The following STK3 variants were observed in gnomAD, a reference collection of about 807,000 sequenced individuals.
STK3 encodes serine/threonine kinase 3.
In STK3, 41 loss-of-function variants were observed where a neutral mutation model predicts 58.0. The ratio of observed to expected loss-of-function variants is 0.71; its 90% CI spans 0.55 to 0.92. The LOEUF (loss-of-function observed/expected upper bound fraction) is 0.92, where lower values mean the gene tolerates loss of function less well. Ranked by LOEUF, STK3 falls within the 40% of genes least tolerant of loss-of-function variation. STK3 has a pLI of 0.00. For missense variants in STK3, 479 were observed against 602.7 expected (o/e 0.79, Z 2.15); for synonymous variants, 170 against 191.0 (o/e 0.89, Z 0.91).
At chr8:98,908,419 G>T (rs931633473) in intron 1 of STK3, among the ~76,000 whole-genome samples, 1 of 152,194 alleles carries the variant, frequency 6.6e-6, no homozygotes, top group Non-Finnish European at 1.5e-5. Flanking sequence ...TGGGCATGAT[G>T]GCTCATGCCT....
chr8:98,916,800 G>T (rs1839362989), intron 1 of STK3, among the ~76,000 whole-genome samples: 1 of 152,062 alleles, frequency 6.6e-6, no homozygotes, highest in Non-Finnish European at 1.5e-5. Flanking sequence ...TTTTAGTTTG[G>T]GAATAGTTCT....
chr8:98,370,636 G>A (rs1817601426), downstream of STK3, among the ~76,000 whole-genome samples: 1 of 152,162 alleles, frequency 6.6e-6, no homozygotes, highest in African/African-American at 2.4e-5. Flanking sequence ...ATGTGTGCCA[G>A]CCTTCTGAGC....
At chr8:98,871,082 A>G (rs1330555302) in intron 3 of STK3, among the ~76,000 whole-genome samples, 1 of 152,168 alleles carries the variant, frequency 6.6e-6, no homozygotes, top group East Asian at 1.9e-4. Context: ...TTTTCCCAGC[A>G]CCATTTATTA....
downstream of STK3, among the ~76,000 whole-genome samples, chr8:98,371,095 C>A (rs960307242): frequency 1.7e-4 from 26 of 152,248 alleles, no homozygotes; most frequent in African/African-American, 6.0e-4. Flanking sequence ...AGAAAAGAAA[C>A]AAAACTTACT....
At chr8:98,920,175 G>A (rs1049651617) in intron 1 of STK3, among the ~76,000 whole-genome samples, 9 of 152,128 alleles carry the variant, frequency 5.9e-5, no homozygotes, top group African/African-American at 2.2e-4. Flanking sequence ...AGAGGAGAGG[G>A]ACCCACAAAC....
chr8:98,625,604 C>T (rs1818652883), intron 6 of STK3, among the ~76,000 whole-genome samples: 1 of 152,156 alleles, frequency 6.6e-6, no homozygotes, highest in Non-Finnish European at 1.5e-5. Context: ...TATGCCTTTT[C>T]ATAATGATGC....
At chr8:98,508,991 T>TA (rs1289171132) in intron 10 of STK3, among the ~76,000 whole-genome samples, 1 of 151,962 alleles carries the variant, frequency 6.6e-6, no homozygotes, top group Non-Finnish European at 1.5e-5. Flanking sequence ...TCTAAAAAAA[T>TA]AAAAAGGTTT....
intron 1 of STK3, chr8:98,904,670 C>T (rs2060567730): frequency 1.5e-6 from 1 of 658,012 alleles, no homozygotes; most frequent in Admixed American, 1.9e-5. Context: ...TAGAGAATTC[C>T]GTGTAGCTGC....
chr8:98,913,361 A>AAACTTCT (rs1839224099), intron 1 of STK3, among the ~76,000 whole-genome samples: 1 of 152,270 alleles, frequency 6.6e-6, no homozygotes. Context: ...AGAGAAATAA[A>AAACTTCT]AACTTCTATA....
Position 98,860,870 on chromosome 8 carries a change from C to T in STK3, c.110+22777G>A, listed in dbSNP as rs532767651. ...AGGAGTTCGAGAACAGCTTGAGCAA[C>T]ATGGTGAAACCCCATCCCTACAATA... On this transcript the variant is annotated intron_variant, in intron 3 of 12. Coordinates refer to the STK3 transcript ENST00000523601. 1.9e-3 allele frequency among the ~76,000 whole-genome samples: 291 copies of T among 152,134 alleles called. 3 individuals carry two copies. Among genetic ancestry groups the T allele is most frequent in the Non-Finnish European group, 2.9e-3 (199 of 67,996 alleles).
chr8:98,491,166 A>C (rs947276714), intron 10 of STK3, among the ~76,000 whole-genome samples: 4 of 9,240 alleles, frequency 4.3e-4, no homozygotes, highest in African/African-American at 6.7e-4. Flanking sequence ...TAAACACGAG[A>C]GAGAGAGAGA....
intron 7 of STK3, among the ~76,000 whole-genome samples, chr8:98,594,125 T>A (rs938999749): frequency 6.6e-6 from 1 of 152,036 alleles, no homozygotes; most frequent in African/African-American, 2.4e-5. Flanking sequence ...CTGGGTAACA[T>A]GGCGAATCCT....
chr8:98,427,753 A>C, intron 3 of STK3: 7 of 475,698 alleles, frequency 1.5e-5, no homozygotes, highest in African/African-American at 2.0e-5. Context: ...GAGCTGTGCT[A>C]ATAGAAACAT....
At chr8:98,464,559 A>AG (rs1820305557) in intron 10 of STK3, among the ~76,000 whole-genome samples, 1 of 150,186 alleles carries the variant, frequency 6.7e-6, no homozygotes, top group African/African-American at 2.4e-5. Flanking sequence ...AAAAAAAAAA[A>AG]AAAAAGAAAG....
chr8:98,435,463 G>T (rs16892235), intron 2 of STK3, among the ~76,000 whole-genome samples: 1,669 of 152,282 alleles, frequency 0.011, 29 homozygotes, highest in African/African-American at 0.038. Context: ...CTGACCAGAT[G>T]AATGTTGTCA....
intron 1 of STK3, among the ~76,000 whole-genome samples, chr8:98,809,857 G>C (rs562703830): frequency 6.6e-6 from 1 of 152,118 alleles, no homozygotes; most frequent in East Asian, 1.9e-4. Context: ...GCATTAATCC[G>C]TTCTGGCGCT....
chr8:98,483,471 T>G (rs1392829560), intron 10 of STK3, among the ~76,000 whole-genome samples: 1 of 152,246 alleles, frequency 6.6e-6, no homozygotes, highest in Non-Finnish European at 1.5e-5. Context: ...CAATGTGCTC[T>G]GTTTTGCCTT....
intron 10 of STK3, among the ~76,000 whole-genome samples, chr8:98,492,829 T>C (rs1188569802): frequency 1.3e-5 from 2 of 152,160 alleles, no homozygotes; most frequent in African/African-American, 4.8e-5. Context: ...GTGGTTTCTC[T>C]ACTAGTGCTC....
At chr8:98,578,611 G>C (rs997106536) in intron 8 of STK3, among the ~76,000 whole-genome samples, 2 of 152,186 alleles carry the variant, frequency 1.3e-5, no homozygotes, top group African/African-American at 4.8e-5. Flanking sequence ...AATTAAAACT[G>C]AATTTAATTT....
Sources: gnomAD v4.1 joint callset for allele counts (sites outside exome capture counted in the v4.1 genomes callset) on GRCh38, gnomAD v4.1.1 for gene constraint, MANE v1.5 for transcripts, NCBI Gene and HGNC (gene_info 2026-07-23, HGNC 2026-07-21) for gene names.